The following PTPRM variants were observed in gnomAD, a reference collection of about 807,000 sequenced individuals.
PTPRM encodes protein tyrosine phosphatase receptor type M, also known as receptor-type tyrosine-protein phosphatase mu.
In PTPRM, 47 loss-of-function variants were observed where a neutral mutation model predicts 186.7. That is an observed-to-expected ratio of 0.25 (90% CI 0.20 to 0.32). The LOEUF (loss-of-function observed/expected upper bound fraction) is 0.32. Ranked by LOEUF, PTPRM falls within the 10% of genes least tolerant of loss-of-function variation. The pLI is 1.00. For missense variants in PTPRM, 1,494 were observed against 1,865.0 expected (o/e 0.80, Z 3.66); for synonymous variants, 668 against 674.9 (o/e 0.99, Z 0.16).
intron 14 of PTPRM, among the ~76,000 whole-genome samples, chr18:8,172,617 G>C (rs1004548968): frequency 2.0e-5 from 3 of 151,898 alleles, no homozygotes; most frequent in Non-Finnish European, 2.9e-5. Context: ...CTGCTCCAGA[G>C]GGGTGGGCCA....
At chr18:8,263,820 C>T (rs1033996502) in intron 19 of PTPRM, among the ~76,000 whole-genome samples, 2 of 152,180 alleles carry the variant, frequency 1.3e-5, no homozygotes, top group Admixed American at 1.3e-4. Context: ...GGAAGCTTGG[C>T]GTCCTGGCCC....
intron 23 of PTPRM, among the ~76,000 whole-genome samples, chr18:8,356,067 A>G (rs1378616041): frequency 6.6e-6 from 1 of 152,230 alleles, no homozygotes; most frequent in Non-Finnish European, 1.5e-5. Flanking sequence ...TCAAGGATCC[A>G]TTAGGAAGGA....
At chr18:7,868,679 G>T (rs2047835349) in intron 2 of PTPRM, among the ~76,000 whole-genome samples, 1 of 152,200 alleles carries the variant, frequency 6.6e-6, no homozygotes, top group Non-Finnish European at 1.5e-5. Flanking sequence ...CAGGGGTCAG[G>T]GACCCACTTG....
chr18:7,777,420 G>A (rs1051181675), intron 2 of PTPRM, among the ~76,000 whole-genome samples: 1 of 152,198 alleles, frequency 6.6e-6, no homozygotes, highest in Admixed American at 6.5e-5. Context: ...ACACAGCCAT[G>A]CCCATTTGTT....
At chr18:7,765,012 A>G (rs2041953404) in intron 1 of PTPRM, among the ~76,000 whole-genome samples, 1 of 152,206 alleles carries the variant, frequency 6.6e-6, no homozygotes, top group African/African-American at 2.4e-5. Context: ...TAGTAGCTCT[A>G]TGAGGTGTTT....
intron 2 of PTPRM, among the ~76,000 whole-genome samples, chr18:7,801,216 T>G (rs1598782394): frequency 1.8e-5 from 2 of 114,108 alleles, no homozygotes; most frequent in East Asian, 8.6e-4. Context: ...AACACTTAGC[T>G]TAAAACACAA....
chr18:8,149,870 T>C (rs1400088028), intron 14 of PTPRM, among the ~76,000 whole-genome samples: 1 of 152,198 alleles, frequency 6.6e-6, no homozygotes, highest in Non-Finnish European at 1.5e-5. Flanking sequence ...CAGCATTTGC[T>C]TGTCTGTAAT....
At chr18:7,715,757 A>G (rs2040314521) in intron 1 of PTPRM, among the ~76,000 whole-genome samples, 1 of 152,216 alleles carries the variant, frequency 6.6e-6, no homozygotes, top group African/African-American at 2.4e-5. Flanking sequence ...TACATTCACA[A>G]TTGCTACAAA....
chr18:7,738,607 T>TTTTTTTTTGTA (rs1555661585), intron 1 of PTPRM, among the ~76,000 whole-genome samples: 12 of 150,868 alleles, frequency 8.0e-5, no homozygotes, highest in African/African-American at 2.7e-4. Flanking sequence ...GGCTATTTTT[T>TTTTTTTTTGTA]TTTTTTTGTA....
chr18:8,022,339 G>C (rs1231073181), intron 7 of PTPRM, among the ~76,000 whole-genome samples: 1 of 152,160 alleles, frequency 6.6e-6, no homozygotes, highest in African/African-American at 2.4e-5. Context: ...TCTTTTACCT[G>C]CTACACCCCA....
At chr18:7,811,406 G>A (rs549548070) in intron 2 of PTPRM, among the ~76,000 whole-genome samples, 2 of 152,172 alleles carry the variant, frequency 1.3e-5, no homozygotes, top group East Asian at 3.9e-4. Flanking sequence ...TGCTTAGCAT[G>A]GAGCTCAGTG....
chr18:8,178,002 A>C (rs1276250667), intron 14 of PTPRM, among the ~76,000 whole-genome samples: 1 of 152,158 alleles, frequency 6.6e-6, no homozygotes, highest in Non-Finnish European at 1.5e-5. Context: ...CAATTCTAGA[A>C]GGTCATATAC....
intron 7 of PTPRM, among the ~76,000 whole-genome samples, chr18:7,998,228 G>A (rs1441864298): frequency 6.6e-6 from 1 of 151,962 alleles, no homozygotes; most frequent in Non-Finnish European, 1.5e-5. Flanking sequence ...GTCATTTGAA[G>A]CAACATGGAT....
chr18:7,580,610 G>C (rs943918743), intron 1 of PTPRM, among the ~76,000 whole-genome samples: 2 of 152,164 alleles, frequency 1.3e-5, no homozygotes, highest in African/African-American at 4.8e-5. Flanking sequence ...TGAGCACTAA[G>C]TATGTGCTAA....
chr18:7,570,569 TAATAA>T (rs1437003398), intron 1 of PTPRM, among the ~76,000 whole-genome samples: 1 of 152,206 alleles, frequency 6.6e-6, no homozygotes, highest in Non-Finnish European at 1.5e-5. Flanking sequence ...GACCAATATA[TAATAA>T]AATGGAGGGA....
intron 13 of PTPRM, 81 bp downstream of exon 13, chr18:8,114,908 C>T: frequency 1.8e-6 from 2 of 1,124,652 alleles, no homozygotes; most frequent in South Asian, 1.4e-5. Flanking sequence ...ACTTTTTGAA[C>T]TGGAACTTAA....
intron 14 of PTPRM, among the ~76,000 whole-genome samples, chr18:8,243,720 G>A (rs1414776269): frequency 6.6e-6 from 1 of 152,242 alleles, no homozygotes. Context: ...CTCTAGGAGT[G>A]TAACAATTAG....
chr18:8,366,622 G>C (rs1223808860), intron 23 of PTPRM, among the ~76,000 whole-genome samples: 2 of 152,214 alleles, frequency 1.3e-5, no homozygotes, highest in African/African-American at 4.8e-5. Context: ...AAATCCTGGA[G>C]TTATAGCGTT....
chr18:7,702,429 C>A (rs2039986706), intron 1 of PTPRM, among the ~76,000 whole-genome samples: 2 of 152,174 alleles, frequency 1.3e-5, no homozygotes, highest in African/African-American at 4.8e-5. Context: ...ATTTGCATTT[C>A]TCTAATGACC....
Sources: allele counts gnomAD v4.1 joint callset (sites outside exome capture counted in the v4.1 genomes callset), GRCh38; gene constraint gnomAD v4.1.1; transcripts MANE v1.5; gene names NCBI Gene and HGNC (gene_info 2026-07-23, HGNC 2026-07-21).